HIRA: variants seen among roughly 807,000 people sequenced by gnomAD.
The protein encoded by HIRA is protein HIRA.
A neutral mutation model predicts 126.6 loss-of-function variants in HIRA; 13 were observed. The ratio of observed to expected loss-of-function variants is 0.10; its 90% CI spans 0.07 to 0.16. The LOEUF (loss-of-function observed/expected upper bound fraction) is 0.16, where lower values mean the gene tolerates loss of function less well. Among genes scored for constraint, HIRA ranks in the 10% least tolerant of loss-of-function variants. The pLI is 1.00. For missense variants in HIRA, 834 were observed against 1,314.4 expected (o/e 0.63, Z 5.65); for synonymous variants, 511 against 520.0 (o/e 0.98, Z 0.24).
intron 1 of HIRA, among the ~76,000 whole-genome samples, chr22:19,412,877 A>T (rs953440689): frequency 1.2e-4 from 18 of 152,246 alleles, no homozygotes; most frequent in Non-Finnish European, 1.9e-4. Flanking sequence ...GAGAAAGTAA[A>T]GATACATAAT....
intron 13 of HIRA, among the ~76,000 whole-genome samples, chr22:19,381,870 T>C (rs1003971555): frequency 3.9e-5 from 6 of 152,258 alleles, no homozygotes; most frequent in African/African-American, 7.2e-5. Flanking sequence ...TAAAAGTTCC[T>C]GAAGTTTCCC....
chr22:19,333,937 T>C (rs543854349), intron 24 of HIRA, among the ~76,000 whole-genome samples: 2 of 152,228 alleles, frequency 1.3e-5, no homozygotes, highest in Admixed American at 1.3e-4. Context: ...TGTTTAGCTC[T>C]TTTTTTGGAA....
intron 4 of HIRA, among the ~76,000 whole-genome samples, chr22:19,406,923 G>A (rs1447568641): frequency 2.0e-5 from 3 of 152,246 alleles, no homozygotes; most frequent in East Asian, 1.9e-4. Context: ...CAAAAGCAAC[G>A]AAGCCCCACC....
At chr22:19,404,769 G>A (rs188990087) in intron 5 of HIRA, among the ~76,000 whole-genome samples, 212 of 152,288 alleles carry the variant, frequency 1.4e-3, no homozygotes, top group African/African-American at 4.7e-3. Flanking sequence ...CCATAAGCCT[G>A]TTGTCCTTAG....
intron 1 of HIRA, among the ~76,000 whole-genome samples, chr22:19,425,432 G>A (rs1385728687): frequency 6.6e-6 from 1 of 152,122 alleles, no homozygotes; most frequent in Non-Finnish European, 1.5e-5. Flanking sequence ...GGGAAAGGGA[G>A]GGGTCAAGCC....
chr22:19,341,207 T>C (rs2088624410), intron 24 of HIRA, among the ~76,000 whole-genome samples: 1 of 151,856 alleles, frequency 6.6e-6, no homozygotes, highest in Admixed American at 6.6e-5. Flanking sequence ...TCCCAGCACT[T>C]TGGGAGGCTA....
chr22:19,395,423 C>T (rs1201734399), intron 7 of HIRA, among the ~76,000 whole-genome samples: 4 of 152,044 alleles, frequency 2.6e-5, no homozygotes, highest in African/African-American at 4.8e-5. Context: ...CTCCTAAAGC[C>T]GTCCCTAGGA....
chr22:19,405,942 TC>T, intron 4 of HIRA, 62 bp from the exon 5 acceptor site: 1 of 1,105,040 alleles, frequency 9.0e-7, no homozygotes, highest in Non-Finnish European at 1.2e-6. Context: ...ATAGAAATGC[TC>T]CCTGCAGCCA....
intron 24 of HIRA, among the ~76,000 whole-genome samples, chr22:19,345,284 C>T (rs559989148): frequency 2.6e-5 from 4 of 152,374 alleles, no homozygotes; most frequent in Non-Finnish European, 4.4e-5. Context: ...ATTCTGCCTG[C>T]CTGTGGTACT....
chr22:19,415,181 A>G (rs1051275299), intron 1 of HIRA, among the ~76,000 whole-genome samples: 1 of 152,102 alleles, frequency 6.6e-6, no homozygotes, highest in African/African-American at 2.4e-5. Flanking sequence ...AATGTAGAAA[A>G]CCCTAAAAAT....
chr22:19,375,884 G>A (rs985512670), intron 14 of HIRA, 92 bp from the exon 15 acceptor site: 11 of 1,331,906 alleles, frequency 8.3e-6, no homozygotes, highest in East Asian at 7.4e-5. Flanking sequence ...ACTAAAAAAG[G>A]CACAAATATC....
Position 19,339,622 on chromosome 22 carries a change from C to T in HIRA, c.2938-8066G>A, listed in dbSNP as rs544733849. Among the ~76,000 whole-genome samples, 6 of 144,534 alleles carry T rather than the reference C, an allele frequency of 4.2e-5. No homozygotes were observed. In the South Asian group the frequency reaches 8.7e-4, roughly 21 times the overall value. 94.8% of individuals were successfully genotyped at this position (144,534 alleles called of 152,430 possible). ...CTGCACTCCAGCCTGGGCGACAGAG[C>T]GAGACTCCGTCTCAAAAAAAAAAAA... On this transcript the variant is annotated intron_variant, in intron 24 of 24. Transcript: ENST00000263208.
rs748037896 is a variant in HIRA, at chr22:19,383,719, G to A, written c.1330-14C>T. The A allele has an allele frequency of 2.5e-6, 4 of 1,608,648 alleles. No homozygotes were observed. Among genetic ancestry groups the A allele is most frequent in the Non-Finnish European group, 3.4e-6 (4 of 1,176,118 alleles). The stretch of plus-strand genomic sequence containing the variant: ...CTTCAAAAGATTCTGGCAAAGCAGA[G>A]TTACATAAATGAATGCAAAAGTTTT... On this transcript the variant is annotated splice_polypyrimidine_tract_variant and intron_variant, in intron 12 of 24. Transcript: ENST00000263208.
chr22:19,331,666 G>T, intron 24 of HIRA, 110 bp from the exon 25 acceptor site: 1 of 1,024,966 alleles, frequency 9.8e-7, no homozygotes, highest in Non-Finnish European at 1.4e-6. Flanking sequence ...GAGAAGGAAA[G>T]AACAATTCCT....
intron 15 of HIRA, among the ~76,000 whole-genome samples, chr22:19,364,637 G>A (rs1247954773): frequency 6.6e-6 from 1 of 152,156 alleles, no homozygotes; most frequent in African/African-American, 2.4e-5. Context: ...CATGTAAGAT[G>A]CTGAACTTAA....
intron 15 of HIRA, among the ~76,000 whole-genome samples, chr22:19,371,764 G>A (rs1411122419): frequency 6.6e-6 from 1 of 152,086 alleles, no homozygotes; most frequent in Non-Finnish European, 1.5e-5. Flanking sequence ...TTAGCATAAT[G>A]TCTTTAAGGT....
chr22:19,349,992 C>CT (rs1241492973), intron 24 of HIRA, among the ~76,000 whole-genome samples: 243 of 144,816 alleles, frequency 1.7e-3, no homozygotes, highest in Middle Eastern at 3.5e-3. Flanking sequence ...TTTTTCTTTT[C>CT]TTTTTTTTTT....
intron 17 of HIRA, 33 bp from the exon 18 acceptor site, chr22:19,359,517 C>T: frequency 6.5e-7 from 1 of 1,538,958 alleles, no homozygotes. Flanking sequence ...TCTGCTCAGA[C>T]AAGGGCCGCA....
chr22:19,399,686 AT>A (rs2089251815), intron 5 of HIRA, among the ~76,000 whole-genome samples: 1 of 152,178 alleles, frequency 6.6e-6, no homozygotes, highest in Admixed American at 6.5e-5. Flanking sequence ...GTGGTTTTAC[AT>A]TTCTACATGC....
Sources: gnomAD v4.1 joint callset for allele counts (sites outside exome capture counted in the v4.1 genomes callset) on GRCh38, gnomAD v4.1.1 for gene constraint, MANE v1.5 for transcripts, NCBI Gene and HGNC (gene_info 2026-07-23, HGNC 2026-07-21) for gene names.